The following ATG4B variants were observed in gnomAD, a reference collection of about 807,000 sequenced individuals.
ATG4B encodes the protein autophagy related 4B cysteine peptidase.
Under a neutral mutation model 56.6 loss-of-function variants are expected in ATG4B, and 29 were observed. The ratio of observed to expected loss-of-function variants is 0.51; its 90% CI spans 0.38 to 0.70. The LOEUF (loss-of-function observed/expected upper bound fraction) is 0.70, where lower values mean the gene tolerates loss of function less well. ATG4B is among the 30% of genes least tolerant of loss of function. The pLI, the probability that ATG4B is intolerant of heterozygous loss-of-function variation, is 0.00. For missense variants in ATG4B, 461 were observed against 515.5 expected, an observed-to-expected ratio of 0.89 and a Z score of 1.02; for synonymous variants, 224 against 206.1, an observed-to-expected ratio of 1.09 and a Z score of -0.74.
intron 10 of ATG4B, among the ~76,000 whole-genome samples, chr2:241,669,287 A>G (rs984618665): frequency 1.3e-5 from 2 of 152,204 alleles, no homozygotes; most frequent in Non-Finnish European, 2.9e-5. Context: ...CCTAGAAATC[A>G]TGAATGACGG....
chr2:241,645,907 C>T (rs535786597), intron 1 of ATG4B, among the ~76,000 whole-genome samples: 12 of 152,282 alleles, frequency 7.9e-5, no homozygotes, highest in East Asian at 1.9e-4. Context: ...GCTTGGGGCA[C>T]GGTGTGGGAG....
At chr2:241,670,040 C>A (rs2068911480) in intron 10 of ATG4B, among the ~76,000 whole-genome samples, 1 of 152,160 alleles carries the variant, frequency 6.6e-6, no homozygotes, top group South Asian at 2.1e-4. Flanking sequence ...GAGGAATGTC[C>A]CCTGTCCCCG....
Position 241,668,036 on chromosome 2 carries a change from T to G in ATG4B, c.733-107T>G. The G allele has an allele frequency of 9.5e-7, 1 of 1,057,354 alleles. No homozygotes were observed. The highest frequency in any genetic ancestry group is 1.4e-6 in the Non-Finnish European group (1 of 726,426). 65.5% of individuals were successfully genotyped at this position (1,057,354 alleles called of 1,614,324 possible). On this transcript the variant is annotated intron_variant, in intron 8 of 12. Transcript: ENST00000404914. The surrounding 1 kb of genome is among the most constrained non-coding windows in gnomAD (Gnocchi z 4.2). ...CCATGTCCCCTCCTGTCCCCTCTTG[T>G]GTCACCCAGTTGGGCCTCAGCAGGC...
intron 1 of ATG4B, among the ~76,000 whole-genome samples, chr2:241,648,974 C>A (rs2068147387): frequency 6.6e-6 from 1 of 152,230 alleles, no homozygotes. Flanking sequence ...CATTGCAGCC[C>A]TTCTGTCTGC....
chr2:241,639,887 A>G (rs1453923947), intron 1 of ATG4B, among the ~76,000 whole-genome samples: 1 of 152,258 alleles, frequency 6.6e-6, no homozygotes, highest in Non-Finnish European at 1.5e-5. Flanking sequence ...CGCACCAAAC[A>G]GGAAGAGAGG....
rs1287495076 is a variant in ATG4B at position 241,671,348 on chromosome 2, C to T, written c.1051C>T (p.Leu351=). ...LLGGALPMFE[L]VELQPSHLAC... is the part of the protein sequence containing the mutation. ...TGGAGGTGCCCTGCCCATGTTTGAG[C>T]TGGTGGAGCTGCAGCCTTCACATCT... Residue 351 remains leucine, a synonymous_variant, in exon 12 of 13, where the codon CTG becomes TTG. Coordinates refer to ENST00000404914, the MANE Select transcript of ATG4B (RefSeq NM_013325.5). The T allele has an allele frequency of 1.2e-6, 2 of 1,613,632 alleles. No homozygotes were observed. The highest frequency in any genetic ancestry group is 1.7e-5 in the Admixed American group (1 of 59,982).
At position 241,668,179 on chromosome 2, in the gene ATG4B, G is replaced by T; in HGVS notation, c.769G>T (p.Gly257Ter). ...FMMPQSLGVIGGKPNSAHYFI... is the reference protein window; with the variant it reads ...FMMPQSLGVI ...GATGCCCCAGTCCCTGGGCGTCATCGGAGGGAAGCCCAACAGCGCCCACTA... is the reference window on the plus strand; with the variant it reads ...GATGCCCCAGTCCCTGGGCGTCATCTGAGGGAAGCCCAACAGCGCCCACTA... The change falls in exon 9 of 13, where the codon GGA becomes TGA. Residue 257 changes from glycine to a stop codon, truncating the protein, a stop_gained. Transcript: ENST00000404914. LOFTEE classifies it high-confidence loss of function. The surrounding 1 kb of genome is among the most constrained non-coding windows in gnomAD (Gnocchi z 4.2). 1 of 1,607,312 alleles carries T rather than the reference G, an allele frequency of 6.2e-7. No homozygotes were observed.
At chr2:241,650,718 C>T (rs2068204307) in intron 1 of ATG4B, among the ~76,000 whole-genome samples, 2 of 152,018 alleles carry the variant, frequency 1.3e-5, no homozygotes, top group Admixed American at 1.3e-4. Flanking sequence ...AGCTGTTAGA[C>T]ACTGACTCAG....
intron 12 of ATG4B, 166 bp downstream of exon 12, chr2:241,671,571 C>G: frequency 6.6e-7 from 1 of 1,525,494 alleles, no homozygotes; most frequent in African/African-American, 1.4e-5. Flanking sequence ...GGAGCGTCCC[C>G]TCCTCCAAGC....
Position 241,670,233 on chromosome 2 carries a change from G to A in ATG4B, c.958-493G>A, listed in dbSNP as rs577228981. Among the ~76,000 whole-genome samples, 3 of 152,138 alleles carry A rather than the reference G, an allele frequency of 2.0e-5. No individual in the cohort carries two copies. In the South Asian group the frequency reaches 6.2e-4, roughly 32 times the overall value. On this transcript the variant is annotated intron_variant, in intron 10 of 12. Coordinates refer to ENST00000404914, the MANE Select transcript of ATG4B (RefSeq NM_013325.5). ...GGCAGCTTTAAGGATGTGATTGCCG[G>A]TGACCCTTGGCCGGTCCCCTGTCTC...
chr2:241,666,769 C>T lies in ATG4B; in HGVS notation c.663C>T (p.Pro221=), dbSNP rs1424424150. ...CCAACAGGCCGTCGCCATGGAGACC[C>T]CTGGTACTTCTCATTCCCCTGCGCC... The part of the protein sequence containing the change: ...EVTNRPSPWR[P]LVLLIPLRLG... Residue 221 remains proline (P), a synonymous_variant, in exon 8 of 13, where the codon CCC becomes CCT. Coordinates refer to ENST00000404914, the MANE Select transcript of ATG4B (RefSeq NM_013325.5). 3 of 1,597,560 alleles carry T rather than the reference C, an allele frequency of 1.9e-6. No homozygotes were observed. The highest frequency in any genetic ancestry group is 2.6e-6 in the Non-Finnish European group (3 of 1,172,042).
chr2:241,672,074 A>C, intron 12 of ATG4B, 117 bp from the exon 13 acceptor site: 4 of 1,460,186 alleles, frequency 2.7e-6, no homozygotes, highest in East Asian at 2.7e-5. Flanking sequence ...GCATGGGGAC[A>C]GCTGTCTGTG....
Position 241,654,626 on chromosome 2 carries a change from TA to T in ATG4B, c.365del (p.Tyr122SerfsTer7). On this transcript the variant is annotated frameshift_variant, in exon 5 of 13. Transcript: ENST00000404914. LOFTEE classifies it high-confidence loss of function. ...CGCATTCATCGACAGGAAGGACAGT[TA>T]CTACTCCATTCACCAGATAGGTGGG... ...LNAFIDRKDS[Y>X]YSIHQIAQMG... 6.3e-7 allele frequency: 1 copy of T among 1,599,200 alleles called. No individual in the cohort carries two copies. Among genetic ancestry groups the T allele is most frequent in the South Asian group, 1.1e-5 (1 of 88,066 alleles).
chr2:241,653,295 G>C (rs544613140), intron 3 of ATG4B: 1 of 1,528,910 alleles, frequency 6.5e-7, no homozygotes, highest in Non-Finnish European at 8.9e-7. Context: ...CATGTGTTTT[G>C]CCCATTTTGA....
intron 12 of ATG4B, 164 bp downstream of exon 12, chr2:241,671,569 CCCT>C (rs1189842862): frequency 6.5e-7 from 1 of 1,527,068 alleles, no homozygotes; most frequent in African/African-American, 1.4e-5. Context: ...GTGGAGCGTC[CCCT>C]CCTCCAAGCT....
intron 1 of ATG4B, among the ~76,000 whole-genome samples, chr2:241,644,984 C>A (rs1192622027): frequency 2.6e-5 from 4 of 151,850 alleles, no homozygotes. Context: ...AGTGTTAATT[C>A]CAAAAAAGTT....
intron 8 of ATG4B, chr2:241,667,805 C>T (rs777248497): frequency 1.1e-4 from 28 of 265,166 alleles, no homozygotes; most frequent in Admixed American, 7.7e-4. Context: ...TAGGCCCCGT[C>T]TCCATCGCTT....
intron 4 of ATG4B, 75 bp from the exon 5 acceptor site, chr2:241,654,471 G>T: frequency 2.2e-6 from 2 of 889,650 alleles, no homozygotes; most frequent in Non-Finnish European, 3.6e-6. Context: ...GATGCCATCT[G>T]TATCTTTAGT....
chr2:241,655,245 T>G (rs988751403), intron 5 of ATG4B, 26 bp from the exon 6 acceptor site: 9 of 1,599,692 alleles, frequency 5.6e-6, no homozygotes, highest in Non-Finnish European at 7.7e-6. Context: ...GGGTGTGTGT[T>G]GCTAATGTGT....
Sources: allele counts gnomAD v4.1 joint callset (sites outside exome capture counted in the v4.1 genomes callset), GRCh38; gene constraint gnomAD v4.1.1; non-coding constraint Gnocchi (gnomAD v3.1); transcripts MANE v1.5; gene names NCBI Gene and HGNC (gene_info 2026-07-23, HGNC 2026-07-21).